The following VPS16 variants were observed in gnomAD, a reference collection of about 807,000 sequenced individuals.
The protein encoded by VPS16 is vacuolar protein sorting-associated protein 16 homolog.
A neutral mutation model predicts 116.0 loss-of-function variants in VPS16; 82 were observed. That is an observed-to-expected ratio of 0.71 (90% CI 0.59 to 0.85). The LOEUF is 0.85. Ranked by LOEUF, VPS16 falls within the 40% of genes least tolerant of loss-of-function variation. The pLI, the probability that VPS16 is intolerant of heterozygous loss-of-function variation, is 0.00. For synonymous variants in VPS16, 406 were observed against 420.7 expected (o/e 0.96, Z 0.43); for missense variants, 928 against 1,090.6 (o/e 0.85, Z 2.10).
At chr20:2,841,467 G>A (rs919924708) in intron 1 of VPS16, among the ~76,000 whole-genome samples, 6 of 152,116 alleles carry the variant, frequency 3.9e-5, no homozygotes, top group Admixed American at 3.3e-4. Flanking sequence ...CTCATCTACC[G>A]CTCTCCTACC....
intron 1 of VPS16, among the ~76,000 whole-genome samples, chr20:2,849,540 CT>C (rs201505362): frequency 0.015 from 2,355 of 152,096 alleles, 120 homozygotes; most frequent in Admixed American, 0.09. Context: ...CTCAGGTGAT[CT>C]GCCCGCCTCT....
Position 2,860,101 on chromosome 20 carries a change from C to T in VPS16, c.190C>T (p.Pro64Ser), listed in dbSNP as rs1476175921. 1 of 1,613,900 alleles carries T rather than the reference C, an allele frequency of 6.2e-7. No homozygotes were observed. The highest frequency in any genetic ancestry group is 1.3e-5 in the African/African-American group (1 of 74,880). Residue 64 changes from proline to serine, a missense_variant, in exon 3 of 24, where the codon CCA (proline) becomes TCA (serine). Pro to Ser is a moderately conservative substitution (Grantham distance 74). Coordinates refer to ENST00000380445, the MANE Select transcript of VPS16 (RefSeq NM_022575.4). The surrounding 1 kb of genome is among the most constrained non-coding windows in gnomAD (Gnocchi z 6.1). ...GAAGGAGAAAGCTGCTAGTGTGAGGCCAGTGCTCGATATATACTCTGCTTC... is the reference window on the plus strand; with the variant it reads ...GAAGGAGAAAGCTGCTAGTGTGAGGTCAGTGCTCGATATATACTCTGCTTC... ...WRKEKAASVR[P>S]VLDIYSASGM...
rs79370728 is a variant in VPS16, at chr20:2,862,645, G to A, written c.1138G>A (p.Val380Met). The A allele has an allele frequency of 3.7e-5, 60 of 1,613,342 alleles. No homozygotes were observed. The highest frequency in any genetic ancestry group is 2.0e-4 in the African/African-American group (15 of 74,942). Residue 380 changes from valine to methionine, a missense_variant, in exon 12 of 24, where the codon GTG (valine) becomes ATG (methionine). By Grantham distance (21) the Val-to-Met change is conservative (BLOSUM62 1). Transcript: ENST00000380445. Reference protein sequence around the residue: ...IQELGQLTQAVQQCIEAAGHE... With the variant: ...IQELGQLTQAMQQCIEAAGHE... ...GGAGCTGGGCCAGCTGACCCAGGCC[G>A]TGCAGCAGTGCATTGAGGCTGCAGG...
At chr20:2,861,532 C>A in intron 8 of VPS16, 83 bp from the exon 9 acceptor site, 1 of 1,488,034 alleles carries the variant, frequency 6.7e-7, no homozygotes, top group Non-Finnish European at 9.0e-7. Flanking sequence ...TACAGGCTGT[C>A]CCGAGACAAA....
chr20:2,864,944 C>G lies in VPS16; in HGVS notation c.1927-34C>G. 6.2e-7 allele frequency: 1 copy of G among 1,613,600 alleles called. No homozygotes were observed. The highest frequency in any genetic ancestry group is 8.5e-7 in the Non-Finnish European group (1 of 1,179,598). ...GTGAGGAGGGCGAGGGTCCTGCATG[C>G]TGTGAGTTCAGGCCTTCCTTCTTGT... On this transcript the variant is annotated intron_variant, in intron 19 of 23. Transcript: ENST00000380445. The surrounding 1 kb of genome is among the most constrained non-coding windows in gnomAD (Gnocchi z 5.2).
rs775733789 is a variant in VPS16, at chr20:2,863,937, C to T, written c.1477-12C>T. On this transcript the variant is annotated splice_polypyrimidine_tract_variant and intron_variant, in intron 15 of 23. Coordinates refer to ENST00000380445, the MANE Select transcript of VPS16 (RefSeq NM_022575.4). This position sits in a 1 kb window ranked among gnomAD's most constrained non-coding sequence, Gnocchi z 4.4. ...GCATCCAGATGTTTGTGACACCCCGCATCCCTTGCAGGTGCAACAGAAGGA... is the reference window on the plus strand; with the variant it reads ...GCATCCAGATGTTTGTGACACCCCGTATCCCTTGCAGGTGCAACAGAAGGA... 1.9e-6 allele frequency: 3 copies of T among 1,612,538 alleles called. No individual in the cohort carries two copies. The highest frequency in any genetic ancestry group is 2.2e-5 in the East Asian group (1 of 44,834).
intron 7 of VPS16, 26 bp downstream of exon 7, chr20:2,861,118 T>A: frequency 6.2e-7 from 1 of 1,614,066 alleles, no homozygotes; most frequent in South Asian, 1.1e-5. Context: ...AACACAGGGG[T>A]ACTGTGCCTT....
At chr20:2,861,935 T>G (rs1375267469) in intron 10 of VPS16, 36 bp downstream of exon 10, 1 of 1,609,588 alleles carries the variant, frequency 6.2e-7, no homozygotes, top group Non-Finnish European at 8.5e-7. Context: ...TAACCCAAGG[T>G]GGGGACTCCT....
chr20:2,844,203 A>G (rs16988130), intron 1 of VPS16, among the ~76,000 whole-genome samples: 32,630 of 152,180 alleles, frequency 0.21, 3,976 homozygotes, highest in East Asian at 0.38. Flanking sequence ...GAAATGCTTT[A>G]AGAGCAAGTA....
Position 2,863,931 on chromosome 20 carries a change from A to G in VPS16, c.1477-18A>G. 6.2e-7 allele frequency: 1 copy of G among 1,610,394 alleles called. No homozygotes were observed. ...GGAATGGCATCCAGATGTTTGTGAC[A>G]CCCCGCATCCCTTGCAGGTGCAACA... On this transcript the variant is annotated intron_variant, in intron 15 of 23. Coordinates refer to ENST00000380445, the MANE Select transcript of VPS16 (RefSeq NM_022575.4). The surrounding 1 kb of genome is among the most constrained non-coding windows in gnomAD (Gnocchi z 4.4).
At chr20:2,843,309 A>G (rs558515370) in intron 1 of VPS16, among the ~76,000 whole-genome samples, 36 of 152,052 alleles carry the variant, frequency 2.4e-4, no homozygotes, top group Non-Finnish European at 4.1e-4. Context: ...GCACACACCT[A>G]TAATCCCAGC....
chr20:2,847,778 C>G (rs562572688), intron 1 of VPS16, among the ~76,000 whole-genome samples: 48 of 152,020 alleles, frequency 3.2e-4, no homozygotes, highest in African/African-American at 1.1e-3. Context: ...CACCCAGCCC[C>G]GCCCCCTCTC....
In VPS16 at chr20:2,861,893, G is replaced by A; in HGVS notation, c.988G>A (p.Val330Ile). The part of the protein sequence containing the change: ...SRSTHEFLHE[V>I]PAASEEIFKI... The stretch of plus-strand genomic sequence containing the variant: ...CAGCACCCACGAGTTCCTGCATGAG[G>A]TTCCAGGTGAGGCCTTCACAAGGGC... The change falls in exon 10 of 24, where the codon GTT becomes ATT. Residue 330 changes from valine to isoleucine, a missense_variant. Transcript: ENST00000380445. 2.5e-6 allele frequency: 4 copies of A among 1,613,544 alleles called. No homozygotes were observed. The highest frequency in any genetic ancestry group is 1.3e-5 in the African/African-American group (1 of 75,058).
At chr20:2,856,609 G>A (rs2089174259) in intron 1 of VPS16, among the ~76,000 whole-genome samples, 2 of 152,184 alleles carry the variant, frequency 1.3e-5, no homozygotes, top group Non-Finnish European at 2.9e-5. Context: ...TAATCACTGT[G>A]TCTGGTTTAG....
At position 2,863,504 on chromosome 20, in the gene VPS16, T is replaced by C; in HGVS notation, c.1476+106T>C. 1 of 1,148,696 alleles carries C rather than the reference T, an allele frequency of 8.7e-7. No individual in the cohort carries two copies. Among genetic ancestry groups the C allele is most frequent in the Non-Finnish European group, 1.3e-6 (1 of 793,216 alleles). The allele number at this position is 1,148,696 out of a possible 1,614,324, so 71.2% of individuals were successfully genotyped here. A position where few individuals can be genotyped will look rare whatever the true frequency, so the allele number is the denominator to read the frequency against. On this transcript the variant is annotated intron_variant, in intron 15 of 23. Coordinates refer to ENST00000380445, the MANE Select transcript of VPS16 (RefSeq NM_022575.4). The surrounding 1 kb of genome is among the most constrained non-coding windows in gnomAD (Gnocchi z 4.4). ...TGCGCTGGGCACGGTGGCTCATGCC[T>C]GTAATCCCAACACTTTGGGAGGCTG...
intron 11 of VPS16, 159 bp from the exon 12 acceptor site, chr20:2,862,419 TG>T: frequency 7.2e-7 from 1 of 1,392,988 alleles, no homozygotes; most frequent in Non-Finnish European, 9.6e-7. Flanking sequence ...ATGATGTCTG[TG>T]GGCACCTCAG....
At chr20:2,866,050 T>A (rs2089336242) in intron 22 of VPS16, 162 bp from the exon 23 acceptor site, 2 of 663,956 alleles carry the variant, frequency 3.0e-6, no homozygotes, top group Non-Finnish European at 5.3e-6. Flanking sequence ...AATGTTGAGA[T>A]CACAACTGTC....
rs757450720 is a variant in VPS16 at position 2,862,834 on chromosome 20, G to T, written c.1231G>T (p.Asp411Tyr). 20 of 1,614,090 alleles carry T rather than the reference G, an allele frequency of 1.2e-5. No homozygotes were observed. Among genetic ancestry groups the T allele is most frequent in the Non-Finnish European group, 1.4e-5 (17 of 1,180,032 alleles). Residue 411 changes from aspartate to tyrosine, a missense_variant, in exon 13 of 24, where the codon GAC becomes TAC. Coordinates refer to ENST00000380445, the MANE Select transcript of VPS16 (RefSeq NM_022575.4). ...CGCCTCCTTCGGAAAGTGTTTCCTG[G>T]ACAGATTTCCACCCGACAGCTTCGT... ...RAASFGKCFL[D>Y]RFPPDSFVHM...
At position 2,860,406 on chromosome 20, in the gene VPS16, T is replaced by A; in HGVS notation, c.369+39T>A. 1 of 1,614,072 alleles carries A rather than the reference T, an allele frequency of 6.2e-7. No individual in the cohort carries two copies. On this transcript the variant is annotated intron_variant, in intron 4 of 23. Transcript: ENST00000380445. The surrounding 1 kb of genome is among the most constrained non-coding windows in gnomAD (Gnocchi z 6.1). ...AGGGCTGGGGACGCGGGGTAGAGTTTATGACCCTGTGGCTCCCTTAACCCA... is the reference window on the plus strand; with the variant it reads ...AGGGCTGGGGACGCGGGGTAGAGTTAATGACCCTGTGGCTCCCTTAACCCA...
Sources: gnomAD v4.1 joint callset for allele counts (sites outside exome capture counted in the v4.1 genomes callset) on GRCh38, gnomAD v4.1.1 for gene constraint, Gnocchi (gnomAD v3.1) non-coding constraint, MANE v1.5 for transcripts, NCBI Gene and HGNC (gene_info 2026-07-23, HGNC 2026-07-21) for gene names.